The following CDS2 variants were observed in gnomAD, a reference collection of about 807,000 sequenced individuals.
CDS2 encodes CDP-diacylglycerol synthase 2.
CDS2 carries 47 observed loss-of-function variants against 59.0 expected under a neutral mutation model. The ratio of observed to expected loss-of-function variants is 0.80; its 90% CI spans 0.63 to 1.02. The LOEUF is 1.02. Among genes scored for constraint, CDS2 ranks in the 50% least tolerant of loss-of-function variants. CDS2 has a pLI of 0.00. For missense variants in CDS2, 356 were observed against 558.9 expected, an observed-to-expected ratio of 0.64 and a Z score of 3.66; for synonymous variants, 207 against 206.4, an observed-to-expected ratio of 1.00 and a Z score of -0.02.
intron 1 of CDS2, among the ~76,000 whole-genome samples, chr20:5,151,293 G>A (rs544918250): frequency 1.5e-4 from 23 of 152,248 alleles, no homozygotes; most frequent in Middle Eastern, 3.4e-3. Context: ...AGTGTACCAA[G>A]TTTGGACACA....
rs143434074 is a variant in CDS2, at chr20:5,195,976, A to C, written c.*5742A>C. ...TGGGGAGTTGGGGCACGTGTGTGTA[A>C]GGGGAGGCTGCCTCACTTTGAAGGA... On this transcript the variant is annotated 3_prime_UTR_variant, in exon 13 of 13. Coordinates refer to ENST00000460006, the MANE Select transcript of CDS2 (RefSeq NM_003818.4). The C allele has an allele frequency of 7.2e-5, 11 of 152,168 alleles. No individual in the cohort carries two copies. The highest frequency in any genetic ancestry group is 2.6e-4 in the African/African-American group (11 of 41,528). 9.4% of individuals were successfully genotyped at this position (152,168 alleles called of 1,614,324 possible).
intron 1 of CDS2, among the ~76,000 whole-genome samples, chr20:5,153,601 C>A (rs951140845): frequency 1.1e-4 from 16 of 152,194 alleles, no homozygotes; most frequent in African/African-American, 3.4e-4. Flanking sequence ...AGCTAAGGCC[C>A]AGTGGTCAGA....
intron 12 of CDS2, 35 bp from the exon 13 acceptor site, chr20:5,190,067 C>T (rs1488219173): frequency 6.2e-7 from 1 of 1,608,922 alleles, no homozygotes; most frequent in African/African-American, 1.3e-5. Flanking sequence ...CTTCCGGGCC[C>T]TAGCTCAGTG....
intron 4 of CDS2, among the ~76,000 whole-genome samples, chr20:5,178,438 A>G (rs955186067): frequency 1.3e-5 from 2 of 152,174 alleles, no homozygotes; most frequent in Admixed American, 1.3e-4. Context: ...AACCATTTTG[A>G]TAGGAGTGAA....
At chr20:5,132,021 C>A (rs2122943778) in intron 1 of CDS2, among the ~76,000 whole-genome samples, 1 of 152,232 alleles carries the variant, frequency 6.6e-6, no homozygotes, top group East Asian at 1.9e-4. Flanking sequence ...AGAACCTATT[C>A]ATATTCATTA....
intron 1 of CDS2, among the ~76,000 whole-genome samples, chr20:5,136,926 A>G (rs1422700754): frequency 6.6e-6 from 1 of 151,898 alleles, no homozygotes; most frequent in Admixed American, 6.6e-5. Context: ...GTAGTTTTTC[A>G]ATCCTCACCA....
chr20:5,159,263 G>T (rs1336990371), intron 1 of CDS2, among the ~76,000 whole-genome samples: 2 of 151,334 alleles, frequency 1.3e-5, no homozygotes, highest in Non-Finnish European at 2.9e-5. Flanking sequence ...TGCCATGTTG[G>T]TGTGCTGCAC....
intron 1 of CDS2, among the ~76,000 whole-genome samples, chr20:5,169,267 C>G (rs1324857772): frequency 6.6e-6 from 1 of 152,164 alleles, no homozygotes; most frequent in African/African-American, 2.4e-5. Context: ...TGCCTGGGAG[C>G]TGGGTGGATA....
At chr20:5,174,459 G>A (rs947703183) in intron 2 of CDS2, among the ~76,000 whole-genome samples, 11 of 152,188 alleles carry the variant, frequency 7.2e-5, no homozygotes, top group Admixed American at 1.3e-4. Flanking sequence ...TACTCAGGCC[G>A]GGTATGGTGG....
intron 1 of CDS2, among the ~76,000 whole-genome samples, chr20:5,171,249 G>A (rs576197833): frequency 2.0e-5 from 3 of 152,326 alleles, no homozygotes; most frequent in Admixed American, 2.0e-4. Flanking sequence ...CCTGGGTTCC[G>A]TTCCTGTCCT....
intron 1 of CDS2, among the ~76,000 whole-genome samples, chr20:5,143,755 T>C (rs2090715709): frequency 1.4e-5 from 2 of 146,332 alleles, no homozygotes; most frequent in African/African-American, 5.3e-5. Context: ...TCTTTTTCTT[T>C]TTCTTCTTCT....
chr20:5,145,152 A>G (rs1268293500), intron 1 of CDS2, among the ~76,000 whole-genome samples: 1 of 151,734 alleles, frequency 6.6e-6, no homozygotes, highest in African/African-American at 2.4e-5. Flanking sequence ...TCCTGAGTGG[A>G]AATTGGACTA....
chr20:5,165,618 G>A (rs2090908096), intron 1 of CDS2, among the ~76,000 whole-genome samples: 2 of 152,050 alleles, frequency 1.3e-5, no homozygotes, highest in South Asian at 4.1e-4. Flanking sequence ...GCATGATCAG[G>A]TCTCACTGCA....
intron 1 of CDS2, among the ~76,000 whole-genome samples, chr20:5,172,783 A>C (rs1402813679): frequency 6.6e-6 from 1 of 152,186 alleles, no homozygotes; most frequent in Non-Finnish European, 1.5e-5. Context: ...TCCCCTATGA[A>C]AGAAAATACT....
At position 5,197,006 on chromosome 20, in the gene CDS2, C is replaced by CTTT. The variant is rs955165926; in HGVS notation, c.*6773_*6774insTTT. The CTTT allele has an allele frequency of 5.3e-5, 8 of 152,350 alleles. No individual in the cohort carries two copies. Among genetic ancestry groups the CTTT allele is most frequent in the African/African-American group, 1.7e-4 (7 of 41,440 alleles). 9.4% of individuals were successfully genotyped at this position (152,350 alleles called of 1,614,324 possible). ...GGAGTCTCACAGTGGAGGGCAGACT[C>CTTT]TAACAGATGCCAGCTGAACGCTCGC... On this transcript the variant is annotated 3_prime_UTR_variant, in exon 13 of 13. Transcript: ENST00000460006.
At chr20:5,148,261 G>A (rs927214666) in intron 1 of CDS2, among the ~76,000 whole-genome samples, 1 of 152,160 alleles carries the variant, frequency 6.6e-6, no homozygotes, top group Non-Finnish European at 1.5e-5. Flanking sequence ...CAGTGTGGCT[G>A]AGATTGAAAC....
At chr20:5,178,078 A>G (rs1430442004) in intron 4 of CDS2, among the ~76,000 whole-genome samples, 2 of 152,188 alleles carry the variant, frequency 1.3e-5, no homozygotes, top group South Asian at 2.1e-4. Flanking sequence ...TGATGGCTGC[A>G]TGGTGCCATA....
chr20:5,182,069 AAAC>A (rs994502297), intron 5 of CDS2, among the ~76,000 whole-genome samples: 55 of 152,374 alleles, frequency 3.6e-4, no homozygotes, highest in African/African-American at 1.3e-3. Context: ...TTATTTATAA[AAAC>A]AAGCAGCTGG....
intron 1 of CDS2, among the ~76,000 whole-genome samples, chr20:5,153,561 C>T (rs2090809650): frequency 6.6e-6 from 1 of 152,176 alleles, no homozygotes; most frequent in Admixed American, 6.5e-5. Context: ...TTCCCAATAA[C>T]TCTTAGGAAT....
Sources: allele counts gnomAD v4.1 joint callset (sites outside exome capture counted in the v4.1 genomes callset), GRCh38; gene constraint gnomAD v4.1.1; transcripts MANE v1.5; gene names NCBI Gene and HGNC (gene_info 2026-07-23, HGNC 2026-07-21).